Variants in ROBO1 observed in about 807,000 individuals in gnomAD.
The protein encoded by ROBO1 is roundabout homolog 1.
Under a neutral mutation model 195.9 loss-of-function variants are expected in ROBO1, and 149 were observed. That is an observed-to-expected ratio of 0.76 (90% CI 0.67 to 0.87). The LOEUF is 0.87. ROBO1 is among the 40% of genes least tolerant of loss of function. The pLI is 0.00. For missense variants in ROBO1, 1,933 were observed against 2,068.3 expected (o/e 0.93, Z 1.27); for synonymous variants, 816 against 733.2 (o/e 1.11, Z -1.82).
intron 3 of ROBO1, among the ~76,000 whole-genome samples, chr3:79,082,354 G>A (rs575973139): frequency 9.3e-4 from 141 of 152,026 alleles, no homozygotes; most frequent in Non-Finnish European, 1.5e-3. Flanking sequence ...ATTAAAGGTT[G>A]AGCAAATCAT....
chr3:79,427,805 C>T (rs189140544), intron 2 of ROBO1, among the ~76,000 whole-genome samples: 64 of 152,184 alleles, frequency 4.2e-4, no homozygotes, highest in Admixed American at 9.8e-4. Flanking sequence ...ATGGATTAAA[C>T]ATTTAAATTT....
At position 79,408,725 on chromosome 3, in the gene ROBO1, T is replaced by C. The variant is rs548615136; in HGVS notation, c.88+181099A>G. ...ATTTTTTGAAACTTGCTTGTAATGA[T>C]AGAAAATAATTAAGTTTTAAAGGGT... On this transcript the variant is annotated intron_variant, in intron 2 of 30. Transcript: ENST00000464233. 7.9e-5 allele frequency among the ~76,000 whole-genome samples: 12 copies of C among 152,282 alleles called. No individual in the cohort carries two copies. In the South Asian group the frequency reaches 2.5e-3, roughly 32 times the overall value.
At chr3:79,670,493 A>G (rs915256095) in intron 1 of ROBO1, among the ~76,000 whole-genome samples, 1 of 151,830 alleles carries the variant, frequency 6.6e-6, no homozygotes, top group African/African-American at 2.4e-5. Flanking sequence ...TGGCGTATCA[A>G]CTCATACTCT....
At chr3:79,221,511 G>GT (rs977764488) in intron 2 of ROBO1, among the ~76,000 whole-genome samples, 1 of 152,020 alleles carries the variant, frequency 6.6e-6, no homozygotes, top group African/African-American at 2.4e-5. Flanking sequence ...TTAGCGACTT[G>GT]TTTTTCTTGA....
intron 2 of ROBO1, among the ~76,000 whole-genome samples, chr3:79,418,157 T>G (rs553388160): frequency 6.6e-6 from 1 of 152,316 alleles, no homozygotes; most frequent in South Asian, 2.1e-4. Flanking sequence ...CCATTTTTAC[T>G]TTCTCTAAGA....
At chr3:79,682,256 G>C (rs941123436) in intron 1 of ROBO1, among the ~76,000 whole-genome samples, 10 of 151,770 alleles carry the variant, frequency 6.6e-5, no homozygotes, top group Non-Finnish European at 1.5e-4. Flanking sequence ...TCAAAATTTG[G>C]CATAATTCAT....
At chr3:79,058,716 G>T in intron 3 of ROBO1, among the ~76,000 whole-genome samples, 1 of 151,938 alleles carries the variant, frequency 6.6e-6, no homozygotes, top group East Asian at 1.9e-4. Flanking sequence ...TCCCTATTTT[G>T]ACTTCAAGAA....
rs187640365 is a variant in ROBO1 at position 79,406,692 on chromosome 3, A to C, written c.88+183132T>G. On this transcript the variant is annotated intron_variant, in intron 2 of 30. Transcript: ENST00000464233. ...GAAAGTTATTCCTGGAAAGATGTTT[A>C]GGTTTGCAAGTTCAAGGGAAAGAAT... Among the ~76,000 whole-genome samples, 41 of 152,164 alleles carry C rather than the reference A, an allele frequency of 2.7e-4. 1 individual carries two copies. In the East Asian group the frequency reaches 7.8e-3, roughly 29 times the overall value.
intron 2 of ROBO1, among the ~76,000 whole-genome samples, chr3:79,536,949 AT>A (rs1469223259): frequency 1.3e-5 from 2 of 152,136 alleles, no homozygotes; most frequent in African/African-American, 4.8e-5. Flanking sequence ...TAGTGAATCT[AT>A]TTAAGCATTT....
At chr3:78,942,540 G>T (rs533769217) in intron 3 of ROBO1, among the ~76,000 whole-genome samples, 1 of 152,250 alleles carries the variant, frequency 6.6e-6, no homozygotes, top group East Asian at 1.9e-4. Flanking sequence ...GGGAATAAGA[G>T]AGTGAAATTT....
At chr3:78,691,740 T>C (rs2081180635) in intron 8 of ROBO1, among the ~76,000 whole-genome samples, 1 of 152,138 alleles carries the variant, frequency 6.6e-6, no homozygotes, top group South Asian at 2.1e-4. Flanking sequence ...CTCCCAAACC[T>C]CACAAACATT....
At chr3:79,334,334 G>GTATATATGTA (rs2034575200) in intron 2 of ROBO1, among the ~76,000 whole-genome samples, 1 of 142,046 alleles carries the variant, frequency 7.0e-6, no homozygotes, top group African/African-American at 2.6e-5. Context: ...ATATATATGT[G>GTATATATGTA]TATATATATG....
At chr3:79,151,101 C>T (rs1280047323) in intron 2 of ROBO1, among the ~76,000 whole-genome samples, 3 of 151,862 alleles carry the variant, frequency 2.0e-5, no homozygotes, top group Non-Finnish European at 4.4e-5. Flanking sequence ...TGCACAAGCT[C>T]TCTCTTGACT....
chr3:79,619,182 C>T (rs1418335676), intron 1 of ROBO1, among the ~76,000 whole-genome samples: 1 of 152,176 alleles, frequency 6.6e-6, no homozygotes, highest in Non-Finnish European at 1.5e-5. Context: ...GGTCATTCAC[C>T]CACATTCCCT....
At chr3:79,491,069 T>A (rs1215663124) in intron 2 of ROBO1, among the ~76,000 whole-genome samples, 1 of 152,094 alleles carries the variant, frequency 6.6e-6, no homozygotes, top group Non-Finnish European at 1.5e-5. Context: ...TAAAATTGTG[T>A]GTATTTATTG....
At chr3:79,627,074 C>A (rs1945202352) in intron 1 of ROBO1, among the ~76,000 whole-genome samples, 1 of 152,222 alleles carries the variant, frequency 6.6e-6, no homozygotes, top group Non-Finnish European at 1.5e-5. Context: ...CCATACTGCC[C>A]AAAGTCACTT....
chr3:79,581,404 T>C (rs1228865660), intron 2 of ROBO1, among the ~76,000 whole-genome samples: 1 of 152,180 alleles, frequency 6.6e-6, no homozygotes, highest in African/African-American at 2.4e-5. Flanking sequence ...CAAAGTAGAA[T>C]AATCCTGGTC....
At chr3:79,176,234 G>A (rs890515155) in intron 2 of ROBO1, among the ~76,000 whole-genome samples, 4 of 152,108 alleles carry the variant, frequency 2.6e-5, no homozygotes, top group Admixed American at 2.6e-4. Flanking sequence ...TCCCTGATGT[G>A]TATTTGTCAC....
chr3:79,640,542 C>T (rs74779977), intron 1 of ROBO1, among the ~76,000 whole-genome samples: 7 of 152,202 alleles, frequency 4.6e-5, no homozygotes, highest in East Asian at 1.9e-4. Flanking sequence ...GACTTCAGTC[C>T]GGCTGTCAGT....
Sources: gnomAD v4.1 joint callset for allele counts (sites outside exome capture counted in the v4.1 genomes callset) on GRCh38, gnomAD v4.1.1 for gene constraint, MANE v1.5 for transcripts, NCBI Gene and HGNC (gene_info 2026-07-23, HGNC 2026-07-21) for gene names.